TRPS1: variants seen among roughly 807,000 people sequenced by gnomAD.
TRPS1 encodes zinc finger transcription factor Trps1.
TRPS1 carries 6 observed loss-of-function variants against 101.2 expected under a neutral mutation model. The observed-to-expected ratio is 0.06, with a 90% CI of 0.03 to 0.12. TRPS1 has a LOEUF of 0.12. TRPS1 is among the 10% of genes least tolerant of loss of function. TRPS1 has a pLI of 1.00. For synonymous variants in TRPS1, 578 were observed against 589.8 expected, an observed-to-expected ratio of 0.98 and a Z score of 0.29; for missense variants, 1,363 against 1,567.0, an observed-to-expected ratio of 0.87 and a Z score of 2.20.
chr8:115,574,125 AC>A (rs1447627417), intron 5 of TRPS1, among the ~76,000 whole-genome samples: 1 of 152,164 alleles, frequency 6.6e-6, no homozygotes, highest in Non-Finnish European at 1.5e-5. Flanking sequence ...TCATTTTCAT[AC>A]CCTTTATAAG....
At chr8:115,580,505 A>G (rs1817421265) in intron 5 of TRPS1, among the ~76,000 whole-genome samples, 1 of 151,974 alleles carries the variant, frequency 6.6e-6, no homozygotes, top group Admixed American at 6.6e-5. Flanking sequence ...CACTTCCAAC[A>G]TCTAAGAATG....
At chr8:115,434,747 T>G (rs1393421398) in intron 5 of TRPS1, among the ~76,000 whole-genome samples, 1 of 152,224 alleles carries the variant, frequency 6.6e-6, no homozygotes, top group Non-Finnish European at 1.5e-5. Flanking sequence ...AACAAATGCA[T>G]AGCATTCTCT....
intron 5 of TRPS1, among the ~76,000 whole-genome samples, chr8:115,473,336 T>A (rs568574947): frequency 6.6e-6 from 1 of 152,140 alleles, no homozygotes; most frequent in Non-Finnish European, 1.5e-5. Context: ...ATGCCCCTTA[T>A]AAAACTATCA....
intron 5 of TRPS1, among the ~76,000 whole-genome samples, chr8:115,555,297 A>G (rs1304391448): frequency 6.6e-6 from 1 of 152,048 alleles, no homozygotes; most frequent in African/African-American, 2.4e-5. Context: ...TTTCAATCGG[A>G]CTCTTAAGAT....
At chr8:115,626,809 G>T (rs981227390) in intron 1 of TRPS1, among the ~76,000 whole-genome samples, 1 of 151,622 alleles carries the variant, frequency 6.6e-6, no homozygotes. Flanking sequence ...TATTTCAAAG[G>T]TTTTGATGCT....
rs1214927652 is a variant in TRPS1 at position 115,623,594 on chromosome 8, C to G, written c.37+7G>C. On this transcript the variant is annotated splice_region_variant and intron_variant, in intron 2 of 6. Transcript: ENST00000395715. ...AACATTTTCACTTGAAAAAATAGATCACATACTTGTAAAATCATACCCAGC... is the reference window on the plus strand; with the variant it reads ...AACATTTTCACTTGAAAAAATAGATGACATACTTGTAAAATCATACCCAGC... 6.2e-7 allele frequency: 1 copy of G among 1,612,110 alleles called. No homozygotes were observed. The highest frequency in any genetic ancestry group is 8.5e-7 in the Non-Finnish European group (1 of 1,178,928).
intron 5 of TRPS1, among the ~76,000 whole-genome samples, chr8:115,533,451 T>TTTTTTTTTG (rs1563580824): frequency 5.2e-5 from 7 of 134,502 alleles, no homozygotes; most frequent in African/African-American, 1.8e-4. Flanking sequence ...TTTTTTTTTT[T>TTTTTTTTTG]TTTTTTTTCC....
intron 1 of TRPS1, among the ~76,000 whole-genome samples, chr8:115,637,606 G>A (rs1039144376): frequency 6.6e-6 from 1 of 152,108 alleles, no homozygotes; most frequent in Non-Finnish European, 1.5e-5. Flanking sequence ...TTGGAGTTAT[G>A]ACTATCAATA....
At chr8:115,532,879 C>T (rs1176071464) in intron 5 of TRPS1, among the ~76,000 whole-genome samples, 1 of 152,036 alleles carries the variant, frequency 6.6e-6, no homozygotes, top group Non-Finnish European at 1.5e-5. Context: ...GGGTTTTATT[C>T]AAGAGCCAAA....
intron 1 of TRPS1, chr8:115,661,803 C>A (rs1811803094): frequency 6.6e-6 from 1 of 151,452 alleles, no homozygotes; most frequent in African/African-American, 2.4e-5. Flanking sequence ...CAACCCCTCC[C>A]CACCACTTAC....
At chr8:115,499,951 C>A in intron 5 of TRPS1, among the ~76,000 whole-genome samples, 1 of 57,684 alleles carries the variant, frequency 1.7e-5, no homozygotes, top group East Asian at 9.2e-4. Context: ...TTCTTTCTTT[C>A]TTTCTTTCTT....
chr8:115,531,485 A>T (rs564353055), intron 5 of TRPS1, among the ~76,000 whole-genome samples: 21 of 152,278 alleles, frequency 1.4e-4, no homozygotes, highest in African/African-American at 4.8e-4. Context: ...AGGAAAATGT[A>T]AAGAAAATAG....
chr8:115,647,971 T>C (rs184157451), intron 1 of TRPS1, among the ~76,000 whole-genome samples: 15 of 152,242 alleles, frequency 9.9e-5, no homozygotes, highest in African/African-American at 3.4e-4. Flanking sequence ...ACTCCCTTTT[T>C]TGCATTAATC....
chr8:115,551,006 G>A (rs909976272), intron 5 of TRPS1, among the ~76,000 whole-genome samples: 2 of 152,062 alleles, frequency 1.3e-5, no homozygotes, highest in African/African-American at 2.4e-5. Context: ...ATACAAACAC[G>A]GAGGACTTCT....
At chr8:115,605,421 T>C (rs1227534331) in intron 3 of TRPS1, among the ~76,000 whole-genome samples, 1 of 152,200 alleles carries the variant, frequency 6.6e-6, no homozygotes, top group Non-Finnish European at 1.5e-5. Context: ...TAGAGGCACT[T>C]GCTCAAAAAT....
At chr8:115,630,645 G>T (rs1210177079) in intron 1 of TRPS1, among the ~76,000 whole-genome samples, 2 of 151,896 alleles carry the variant, frequency 1.3e-5, no homozygotes, top group East Asian at 3.9e-4. Flanking sequence ...AATATTTCAT[G>T]TTCTTATTAT....
At chr8:115,586,652 G>A (rs549436220) in intron 5 of TRPS1, among the ~76,000 whole-genome samples, 1 of 152,280 alleles carries the variant, frequency 6.6e-6, no homozygotes, top group East Asian at 1.9e-4. Flanking sequence ...AAGTCATTTA[G>A]TTATTTCAGT....
intron 5 of TRPS1, among the ~76,000 whole-genome samples, chr8:115,525,343 G>C: frequency 6.6e-6 from 1 of 152,010 alleles, no homozygotes; most frequent in Admixed American, 6.6e-5. Context: ...GTAAGAATTT[G>C]TCTATAGTAC....
At chr8:115,452,900 T>C (rs1378961916) in intron 5 of TRPS1, among the ~76,000 whole-genome samples, 1 of 152,300 alleles carries the variant, frequency 6.6e-6, no homozygotes, top group East Asian at 1.9e-4. Context: ...GCTCTAGATA[T>C]ATCAATGTGG....
Sources: gnomAD v4.1 joint callset for allele counts (sites outside exome capture counted in the v4.1 genomes callset) on GRCh38, gnomAD v4.1.1 for gene constraint, MANE v1.5 for transcripts, NCBI Gene and HGNC (gene_info 2026-07-23, HGNC 2026-07-21) for gene names.